The following RUNDC3B variants were observed in gnomAD, a reference collection of about 807,000 sequenced individuals.
RUNDC3B encodes RUN domain containing 3B, also known as RUN domain-containing protein 3B.
RUNDC3B carries 33 observed loss-of-function variants against 58.4 expected under a neutral mutation model. The ratio of observed to expected loss-of-function variants is 0.56; its 90% CI spans 0.43 to 0.75. RUNDC3B has a LOEUF of 0.75. Ranked by LOEUF, RUNDC3B falls within the 30% of genes least tolerant of loss-of-function variation. The pLI is 0.00. For synonymous variants in RUNDC3B, 193 were observed against 195.2 expected (o/e 0.99, Z 0.10); for missense variants, 501 against 535.7 (o/e 0.94, Z 0.64).
chr7:87,745,643 G>T (rs540712538), intron 6 of RUNDC3B, among the ~76,000 whole-genome samples: 1 of 152,160 alleles, frequency 6.6e-6, no homozygotes, highest in Admixed American at 6.5e-5. Context: ...GTTTTCAGTG[G>T]TGTCAGTTGT....
chr7:87,702,034 T>C (rs1829092821), intron 3 of RUNDC3B, among the ~76,000 whole-genome samples: 3 of 149,974 alleles, frequency 2.0e-5, no homozygotes, highest in South Asian at 4.2e-4. Flanking sequence ...TCCCAGCTAC[T>C]TGGGAGGCTG....
In RUNDC3B at chr7:87,710,558, T is replaced by C; in HGVS notation, c.373-12T>C. ...ATTTTTTTTATATTTGATTCTTTCT[T>C]CTTCCTTTTAGGGTAGAGCCTGGAT... On this transcript the variant is annotated splice_polypyrimidine_tract_variant and intron_variant, in intron 3 of 10. Transcript: ENST00000394654. 6.7e-7 allele frequency: 1 copy of C among 1,487,834 alleles called. No individual in the cohort carries two copies. The highest frequency in any genetic ancestry group is 9.2e-7 in the Non-Finnish European group (1 of 1,091,230). 92.2% of individuals were successfully genotyped at this position (1,487,834 alleles called of 1,614,324 possible). A position where few individuals can be genotyped will look rare whatever the true frequency, so the allele number is the denominator to read the frequency against.
chr7:87,754,977 G>A (rs1334694173), intron 6 of RUNDC3B, among the ~76,000 whole-genome samples: 5 of 147,052 alleles, frequency 3.4e-5, no homozygotes, highest in Non-Finnish European at 7.5e-5. Flanking sequence ...GAACCTGATG[G>A]ATTCACAGCC....
chr7:87,693,987 A>G (rs770594952), intron 2 of RUNDC3B: 1 of 1,610,666 alleles, frequency 6.2e-7, no homozygotes, highest in Non-Finnish European at 8.5e-7. Context: ...GTCTCCCGCC[A>G]CTGAGCTGCA....
intron 9 of RUNDC3B, among the ~76,000 whole-genome samples, chr7:87,814,220 C>A (rs1836898828): frequency 6.6e-6 from 1 of 151,654 alleles, no homozygotes; most frequent in East Asian, 2.0e-4. Context: ...CCTGCCTCAG[C>A]CTCCCAAGTA....
At chr7:87,684,615 G>A (rs992268394) in intron 2 of RUNDC3B, among the ~76,000 whole-genome samples, 2 of 151,996 alleles carry the variant, frequency 1.3e-5, no homozygotes, top group African/African-American at 4.8e-5. Flanking sequence ...GGGCATGGTA[G>A]CACGTGCCTG....
At chr7:87,747,816 A>G (rs1832734183) in intron 6 of RUNDC3B, among the ~76,000 whole-genome samples, 1 of 152,142 alleles carries the variant, frequency 6.6e-6, no homozygotes, top group Non-Finnish European at 1.5e-5. Flanking sequence ...CCAAAAGGCC[A>G]GTCTCACTCC....
In RUNDC3B at chr7:87,770,722, A is replaced by G; in HGVS notation, c.771A>G (p.Gln257=). ...TCAACAAGTGTAAGAGAGTTAAACAAAAGTATCAGCTTACCCTGGAACAGA... is the reference window on the plus strand; with the variant it reads ...TCAACAAGTGTAAGAGAGTTAAACAGAAGTATCAGCTTACCCTGGAACAGA... The part of the protein sequence containing the change: ...SWFNKCKRVK[Q]KYQLTLEQKG... Residue 257 remains glutamine, a synonymous_variant, in exon 7 of 11, where the codon CAA becomes CAG. Coordinates refer to ENST00000394654, the MANE Select transcript of RUNDC3B (RefSeq NM_001134405.2). 6.2e-7 allele frequency: 1 copy of G among 1,613,052 alleles called. No homozygotes were observed. Among genetic ancestry groups the G allele is most frequent in the East Asian group, 2.2e-5 (1 of 44,868 alleles).
At chr7:87,768,680 C>T (rs1004441521) in intron 6 of RUNDC3B, among the ~76,000 whole-genome samples, 1 of 152,172 alleles carries the variant, frequency 6.6e-6, no homozygotes, top group Non-Finnish European at 1.5e-5. Context: ...CCCCTACCTA[C>T]CCTTTCTATG....
intron 10 of RUNDC3B, among the ~76,000 whole-genome samples, chr7:87,820,201 G>T (rs1837336227): frequency 1.3e-5 from 2 of 151,820 alleles, no homozygotes; most frequent in African/African-American, 4.8e-5. Flanking sequence ...AATGATAAAG[G>T]GGATATCACC....
Position 87,628,847 on chromosome 7 carries a change from C to T in RUNDC3B, c.24C>T (p.Gly8=). The T allele has an allele frequency of 7.9e-7, 1 of 1,268,016 alleles. No homozygotes were observed. Among genetic ancestry groups the T allele is most frequent in the South Asian group, 3.9e-5 (1 of 25,886 alleles). The allele number at this position is 1,268,016 out of a possible 1,614,324, so 78.5% of individuals were successfully genotyped here. A position where few individuals can be genotyped will look rare whatever the true frequency, so the allele number is the denominator to read the frequency against. ...CCATGGCCTCCCGGAGCCTGGGGGG[C>T]CTGAGCGGGATCCGCGGCGGTGGCG... is the stretch of plus-strand genomic sequence containing the variant. MASRSLG[G]LSGIRGGGGG... Residue 8 remains glycine (G), a synonymous_variant, in exon 1 of 11, where the codon GGC becomes GGT. Coordinates refer to ENST00000394654, the MANE Select transcript of RUNDC3B (RefSeq NM_001134405.2).
intron 6 of RUNDC3B, among the ~76,000 whole-genome samples, chr7:87,749,080 A>G (rs1832812679): frequency 6.6e-6 from 1 of 152,214 alleles, no homozygotes. Context: ...AGTGGGTAAA[A>G]TACAAGTCTG....
At chr7:87,788,055 G>A (rs1012864962) in intron 8 of RUNDC3B, among the ~76,000 whole-genome samples, 3 of 152,108 alleles carry the variant, frequency 2.0e-5, no homozygotes, top group Admixed American at 6.5e-5. Flanking sequence ...AATTCTTTTT[G>A]TCAGTCATAT....
At chr7:87,821,913 T>C (rs1429787117) in intron 10 of RUNDC3B, among the ~76,000 whole-genome samples, 2 of 152,166 alleles carry the variant, frequency 1.3e-5, no homozygotes, top group African/African-American at 4.8e-5. Context: ...AAGACTTACA[T>C]GTTAGACCTG....
chr7:87,667,504 CT>C (rs1303342774), intron 2 of RUNDC3B, among the ~76,000 whole-genome samples: 1 of 151,914 alleles, frequency 6.6e-6, no homozygotes, highest in African/African-American at 2.4e-5. Context: ...CCTGATAGCT[CT>C]GGCTAGGACT....
At chr7:87,760,069 GT>G (rs71695208) in intron 6 of RUNDC3B, among the ~76,000 whole-genome samples, 14,746 of 145,162 alleles carry the variant, frequency 0.1, 843 homozygotes, top group African/African-American at 0.17. Context: ...TGATACAGGG[GT>G]TTTTTTTTTT....
chr7:87,675,612 C>T (rs1439388669), intron 2 of RUNDC3B, among the ~76,000 whole-genome samples: 1 of 129,848 alleles, frequency 7.7e-6, no homozygotes, highest in Non-Finnish European at 1.6e-5. Context: ...AAAGGATAAT[C>T]TCTTCAGTAA....
intron 10 of RUNDC3B, among the ~76,000 whole-genome samples, chr7:87,826,494 A>G (rs1454173695): frequency 6.6e-6 from 1 of 151,928 alleles, no homozygotes; most frequent in East Asian, 1.9e-4. Flanking sequence ...CTAAAGAAGA[A>G]TGGATTTGAA....
intron 1 of RUNDC3B, among the ~76,000 whole-genome samples, chr7:87,638,147 C>T (rs1821999138): frequency 6.6e-6 from 1 of 151,922 alleles, no homozygotes; most frequent in Non-Finnish European, 1.5e-5. Flanking sequence ...TGTTAAACCA[C>T]TCTGGAATAA....
Sources: gnomAD v4.1 joint callset for allele counts (sites outside exome capture counted in the v4.1 genomes callset) on GRCh38, gnomAD v4.1.1 for gene constraint, MANE v1.5 for transcripts, NCBI Gene and HGNC (gene_info 2026-07-23, HGNC 2026-07-21) for gene names.